Variants in HSD17B4 observed in about 807,000 individuals in gnomAD.
HSD17B4 encodes the protein hydroxysteroid 17-beta dehydrogenase 4, also known as peroxisomal multifunctional enzyme type 2.
HSD17B4 carries 70 observed loss-of-function variants against 101.0 expected under a neutral mutation model. That is an observed-to-expected ratio of 0.69 (90% CI 0.57 to 0.85). The LOEUF is 0.85. Among genes scored for constraint, HSD17B4 ranks in the 40% least tolerant of loss-of-function variants. The pLI, the probability that HSD17B4 is intolerant of heterozygous loss-of-function variation, is 0.00. For missense variants in HSD17B4, 984 were observed against 892.4 expected, an observed-to-expected ratio of 1.10 and a Z score of -1.31; for synonymous variants, 347 against 297.1, an observed-to-expected ratio of 1.17 and a Z score of -1.73.
chr5:119,485,121 C>A (rs1206314301), intron 8 of HSD17B4, among the ~76,000 whole-genome samples: 2 of 152,052 alleles, frequency 1.3e-5, no homozygotes, highest in Non-Finnish European at 2.9e-5. Flanking sequence ...CTTCTTTCTA[C>A]CCCCCTGCTT....
intron 2 of HSD17B4, chr5:119,471,738 C>A: frequency 9.4e-7 from 1 of 1,064,656 alleles, no homozygotes; most frequent in Admixed American, 2.4e-5. Context: ...AGTTATTTGG[C>A]ATTTATCTAT....
At position 119,461,291 on chromosome 5, in the gene HSD17B4, C is replaced by T. The variant is rs146758054; in HGVS notation, c.112+4923C>T. ...GCAAGTATCCCAAATAAAATGTGAACTAAATAGGCAAAACAATAATAAATA... is the reference window on the plus strand; with the variant it reads ...GCAAGTATCCCAAATAAAATGTGAATTAAATAGGCAAAACAATAATAAATA... On this transcript the variant is annotated intron_variant, in intron 2 of 23. Transcript: ENST00000510025. Among the ~76,000 whole-genome samples, 29 of 151,970 alleles carry T rather than the reference C, an allele frequency of 1.9e-4. 1 individual carries two copies. In the East Asian group the frequency reaches 5.4e-3, roughly 28 times the overall value.
intron 17 of HSD17B4, among the ~76,000 whole-genome samples, chr5:119,520,610 GTTTC>G (rs978863419): frequency 2.0e-5 from 3 of 152,258 alleles, no homozygotes; most frequent in African/African-American, 7.2e-5. Context: ...CATCTTGTTT[GTTTC>G]TTTTCTGTAA....
chr5:119,490,688 C>A (rs1257308628), intron 9 of HSD17B4, among the ~76,000 whole-genome samples: 1 of 152,108 alleles, frequency 6.6e-6, no homozygotes, highest in Non-Finnish European at 1.5e-5. Flanking sequence ...CCTGCCTTAG[C>A]CTCCTGAGTA....
rs1580552169 is a variant in HSD17B4, at chr5:119,475,734, ATTTC to A, written c.302+11_302+14del. The A allele has an allele frequency of 1.3e-6, 2 of 1,596,456 alleles. No homozygotes were observed. The highest frequency in any genetic ancestry group is 2.2e-5 in the East Asian group (1 of 44,630). On this transcript the variant is annotated splice_region_variant and intron_variant, in intron 5 of 23. Coordinates refer to ENST00000510025, the MANE Select transcript of HSD17B4 (RefSeq NM_000414.4). ...TTGTGGTCAACAATGCTGGGTGAGT[ATTTC>A]TTTTTCATTTTTAGTGATGTGTGTA...
At chr5:119,487,916 A>G (rs1379231483) in intron 8 of HSD17B4, among the ~76,000 whole-genome samples, 1 of 152,164 alleles carries the variant, frequency 6.6e-6, no homozygotes, top group Non-Finnish European at 1.5e-5. Flanking sequence ...TATAATGAAA[A>G]ATGGAAGACA....
intron 17 of HSD17B4, among the ~76,000 whole-genome samples, chr5:119,524,838 A>G (rs1256955890): frequency 6.6e-6 from 1 of 152,136 alleles, no homozygotes; most frequent in East Asian, 1.9e-4. Flanking sequence ...AAAACACCCC[A>G]GTAAGAAAGT....
In HSD17B4 at chr5:119,517,738, C is replaced by A. The variant is rs571176039; in HGVS notation, c.1503+2692C>A. On this transcript the variant is annotated intron_variant, in intron 17 of 23. Coordinates refer to ENST00000510025, the MANE Select transcript of HSD17B4 (RefSeq NM_000414.4). ...CTGTATCTAGCTGCTCTGGTGGGGC[C>A]TTGGACAACCTTTATGTCTAGCTCA... is the stretch of plus-strand genomic sequence containing the variant. Among the ~76,000 whole-genome samples, 13 of 151,814 alleles carry A rather than the reference C, an allele frequency of 8.6e-5. No homozygotes were observed. In the East Asian group the frequency reaches 2.3e-3, roughly 27 times the overall value.
At chr5:119,532,053 A>G (rs1450616334) in intron 22 of HSD17B4, among the ~76,000 whole-genome samples, 2 of 152,296 alleles carry the variant, frequency 1.3e-5, no homozygotes, top group East Asian at 3.9e-4. Context: ...TTAGAGGATA[A>G]AAAGAATAAA....
At chr5:119,516,991 T>A (rs1486422837) in intron 17 of HSD17B4, among the ~76,000 whole-genome samples, 3 of 152,218 alleles carry the variant, frequency 2.0e-5, no homozygotes, top group African/African-American at 7.2e-5. Flanking sequence ...CTGCCTGGGC[T>A]CCCACTTTGG....
At chr5:119,506,152 G>A (rs1013581990) in intron 14 of HSD17B4, among the ~76,000 whole-genome samples, 3 of 151,618 alleles carry the variant, frequency 2.0e-5, no homozygotes, top group African/African-American at 7.3e-5. Context: ...TTCTCCTAAT[G>A]TTATCCCTCC....
chr5:119,505,734 A>ATT (rs527906126), intron 14 of HSD17B4, among the ~76,000 whole-genome samples: 3 of 144,972 alleles, frequency 2.1e-5, no homozygotes, highest in Non-Finnish European at 3.0e-5. Context: ...ATGTCTTAAC[A>ATT]TTTTTTTTTT....
intron 17 of HSD17B4, among the ~76,000 whole-genome samples, chr5:119,520,810 C>T (rs756922032): frequency 5.3e-5 from 8 of 152,106 alleles, no homozygotes; most frequent in Non-Finnish European, 1.2e-4. Context: ...CTCATTTTCC[C>T]ATTTAATCCA....
At position 119,514,985 on chromosome 5, in the gene HSD17B4, C is replaced by G; in HGVS notation, c.1442C>G (p.Ala481Gly). 1 of 1,522,962 alleles carries G rather than the reference C, an allele frequency of 6.6e-7. No homozygotes were observed. Among genetic ancestry groups the G allele is most frequent in the Non-Finnish European group, 9.1e-7 (1 of 1,097,240 alleles). 94.3% of individuals were successfully genotyped at this position (1,522,962 alleles called of 1,614,324 possible). The change falls in exon 17 of 24, where the codon GCT becomes GGT. Residue 481 changes from alanine (A) to glycine (G), a missense_variant. Ala to Gly is a moderately conservative substitution (Grantham distance 60, BLOSUM62 0). Coordinates refer to ENST00000510025, the MANE Select transcript of HSD17B4 (RefSeq NM_000414.4). Reference protein sequence around the residue: ...GKRTSDKVKVAVAIPNRPPDA... With the variant: ...GKRTSDKVKVGVAIPNRPPDA... ...CATGTAATGTCTTAATTTTAGGTAG[C>G]TGTAGCCATACCTAATAGACCTCCT...
Position 119,456,358 on chromosome 5 carries a change from G to A in HSD17B4, c.102G>A (p.Ala34=), listed in dbSNP as rs778708979. 22 of 1,604,198 alleles carry A rather than the reference G, an allele frequency of 1.4e-5. No individual in the cohort carries two copies. Among genetic ancestry groups the A allele is most frequent in the East Asian group, 2.2e-5 (1 of 44,852 alleles). The part of the protein sequence containing the change: ...AYALAFAERG[A]LVVVNDLGGD... Reference sequence around the variant, plus strand: ...CCCTGGCTTTTGCAGAAAGAGGAGCGTTAGTTGTTGGTAAGTTGGTGTGTT... The same window carrying A: ...CCCTGGCTTTTGCAGAAAGAGGAGCATTAGTTGTTGGTAAGTTGGTGTGTT... Residue 34 remains alanine, a synonymous_variant, in exon 2 of 24, where the codon GCG becomes GCA. Transcript: ENST00000510025.
In HSD17B4 at chr5:119,536,488, A is replaced by G. The variant is rs1457597939; in HGVS notation, c.2059A>G (p.Thr687Ala). Residue 687 changes from threonine (T) to alanine (A), a missense_variant, in exon 23 of 24, where the codon ACA (threonine) becomes GCA (alanine). Physicochemically the swap from Thr to Ala is moderately conservative, Grantham distance 58. Coordinates refer to ENST00000510025, the MANE Select transcript of HSD17B4 (RefSeq NM_000414.4). The part of the protein sequence containing the change: ...QGPAKGAADT[T>A]IILSDEDFME... ...CCCTGCAAAAGGTGCTGCTGATACA[A>G]CAATCATACTTTCAGATGAAGATTT... is the stretch of plus-strand genomic sequence containing the variant. 3 of 1,612,238 alleles carry G rather than the reference A, an allele frequency of 1.9e-6. No homozygotes were observed. Among genetic ancestry groups the G allele is most frequent in the East Asian group, 2.2e-5 (1 of 44,848 alleles).
intron 8 of HSD17B4, among the ~76,000 whole-genome samples, chr5:119,482,331 G>T (rs575877016): frequency 6.6e-6 from 1 of 151,714 alleles, no homozygotes; most frequent in Non-Finnish European, 1.5e-5. Context: ...TTATCTCTCT[G>T]CTTAAAGTAA....
At chr5:119,515,154 A>G (rs1752505187) in intron 17 of HSD17B4, 108 bp downstream of exon 17, 3 of 738,240 alleles carry the variant, frequency 4.1e-6, no homozygotes, top group South Asian at 1.5e-5. Context: ...AATGAATAAT[A>G]TGTTATTATT....
At chr5:119,484,640 G>A (rs1749449801) in intron 8 of HSD17B4, among the ~76,000 whole-genome samples, 1 of 151,998 alleles carries the variant, frequency 6.6e-6, no homozygotes, top group African/African-American at 2.4e-5. Context: ...AATAATTGAT[G>A]AAATTATTTT....
Sources: allele counts gnomAD v4.1 joint callset (sites outside exome capture counted in the v4.1 genomes callset), GRCh38; gene constraint gnomAD v4.1.1; transcripts MANE v1.5; gene names NCBI Gene and HGNC (gene_info 2026-07-23, HGNC 2026-07-21).